The following CECR2 variants were observed in gnomAD, a reference collection of about 807,000 sequenced individuals.
The protein encoded by CECR2 is chromatin remodeling regulator CECR2.
CECR2 carries 30 observed loss-of-function variants against 154.5 expected under a neutral mutation model. That is an observed-to-expected ratio of 0.19 (90% CI 0.15 to 0.26). CECR2 has a LOEUF of 0.26. CECR2 is among the 10% of genes least tolerant of loss of function. The pLI, the probability that CECR2 is intolerant of heterozygous loss-of-function variation, is 1.00. For missense variants in CECR2, 1,743 were observed against 1,829.3 expected (o/e 0.95, Z 0.86); for synonymous variants, 725 against 683.7 (o/e 1.06, Z -0.94).
chr22:17,401,828 A>ACCCCCC (rs34211703), intron 1 of CECR2, among the ~76,000 whole-genome samples: 1 of 114,146 alleles, frequency 8.8e-6, no homozygotes, highest in Non-Finnish European at 1.8e-5. Flanking sequence ...AATATTTAAC[A>ACCCCCC]CCCCCCCCCG....
rs112338023 is a variant in CECR2 at position 17,487,870 on chromosome 22, G to GTATT, written c.222-9507_222-9504dup. 9.3e-3 allele frequency among the ~76,000 whole-genome samples: 1,396 copies of GTATT among 150,782 alleles called. 7 individuals are homozygous for GTATT. The highest frequency in any genetic ancestry group is 0.041 in the Middle Eastern group (12 of 292). Reference sequence around the variant, plus strand: ...CAACATTGTATATTCAATTTTTCATGTATTTATTTATTTATTTATTTATTT... The same window carrying GTATT: ...CAACATTGTATATTCAATTTTTCATGTATTTATTTATTTATTTATTTATTTATTT... On this transcript the variant is annotated intron_variant, in intron 2 of 18. Transcript: ENST00000262608.
chr22:17,558,032 T>C lies in CECR2; in HGVS notation c.*5192T>C, dbSNP rs2056793963. On this transcript the variant is annotated 3_prime_UTR_variant, in exon 19 of 19. Transcript: ENST00000262608. ...ACTTACCTCAATAGTTAGTTCAATA[T>C]TGTGTGTTGGATAATTTTTTAAAAG... 6.6e-6 allele frequency: 1 copy of C among 152,236 alleles called. No homozygotes were observed. The highest frequency in any genetic ancestry group is 2.1e-4 in the South Asian group (1 of 4,832). 9.4% of individuals were successfully genotyped at this position (152,236 alleles called of 1,614,324 possible).
At chr22:17,471,986 A>G (rs569337007) in intron 1 of CECR2, among the ~76,000 whole-genome samples, 18 of 152,164 alleles carry the variant, frequency 1.2e-4, no homozygotes, top group Non-Finnish European at 1.9e-4. Flanking sequence ...CAGTTAACCT[A>G]ATATTTAGAG....
At chr22:17,487,942 G>T (rs1407206993) in intron 2 of CECR2, among the ~76,000 whole-genome samples, 1 of 151,994 alleles carries the variant, frequency 6.6e-6, no homozygotes, top group Non-Finnish European at 1.5e-5. Context: ...GAGTGCAATG[G>T]CCTGATCTCG....
At chr22:17,536,694 G>T (rs1173550599) in intron 9 of CECR2, among the ~76,000 whole-genome samples, 4 of 152,216 alleles carry the variant, frequency 2.6e-5, no homozygotes, top group Non-Finnish European at 5.9e-5. Flanking sequence ...AAAAGGATTT[G>T]CGGATGTTGC....
intron 1 of CECR2, among the ~76,000 whole-genome samples, chr22:17,449,543 G>T (rs890681011): frequency 4.5e-5 from 6 of 133,780 alleles, no homozygotes; most frequent in Non-Finnish European, 7.7e-5. Context: ...AGGCTGGAGT[G>T]CAGTGGCATG....
In CECR2 at chr22:17,504,424, AT is replaced by A. The variant is rs200337384; in HGVS notation, c.701-415del. 4.3e-3 allele frequency among the ~76,000 whole-genome samples: 641 copies of A among 148,698 alleles called. 6 individuals carry two copies. The highest frequency in any genetic ancestry group is 0.015 in the African/African-American group (611 of 41,052). On this transcript the variant is annotated intron_variant, in intron 6 of 18. Coordinates refer to ENST00000262608, the MANE Select transcript of CECR2 (RefSeq NM_001290047.2). ...GTCTCTTTTTTGAGTTCCTTATTTTATTTTTTTTATTTTTATTTATTTATTT... is the reference window on the plus strand; with the variant it reads ...GTCTCTTTTTTGAGTTCCTTATTTTATTTTTTTATTTTTATTTATTTATTT...
At chr22:17,403,812 C>A (rs1197238883) in intron 1 of CECR2, among the ~76,000 whole-genome samples, 2 of 145,542 alleles carry the variant, frequency 1.4e-5, no homozygotes, top group Admixed American at 7.1e-5. Context: ...TTGTTTCTTA[C>A]ATTTTCTTCT....
In CECR2 at chr22:17,532,204, A is replaced by AT. The variant is rs1023186355; in HGVS notation, c.1109-4892dup. 5.3e-5 allele frequency among the ~76,000 whole-genome samples: 8 copies of AT among 152,080 alleles called. 1 individual carries two copies. The highest frequency in any genetic ancestry group is 1.2e-4 in the Non-Finnish European group (8 of 68,018). ...GGGTGGGTAGTGGGTTGCATTTTGA[A>AT]TTTTTTTATTAGTTCCTTAGGGCTA... On this transcript the variant is annotated intron_variant, in intron 9 of 18. Coordinates refer to ENST00000262608, the MANE Select transcript of CECR2 (RefSeq NM_001290047.2).
At chr22:17,458,248 C>G (rs141993496) in intron 1 of CECR2, among the ~76,000 whole-genome samples, 9,539 of 152,124 alleles carry the variant, frequency 0.063, 419 homozygotes, top group Middle Eastern at 0.12. Flanking sequence ...AACCCCATCT[C>G]TACTAAAAAT....
intron 1 of CECR2, among the ~76,000 whole-genome samples, chr22:17,421,521 A>G (rs2054248820): frequency 6.8e-6 from 1 of 146,118 alleles, no homozygotes; most frequent in Non-Finnish European, 1.5e-5. Flanking sequence ...AGGCTGAGGC[A>G]GGAGAATGGC....
At chr22:17,459,135 C>T (rs1467469699) in intron 1 of CECR2, among the ~76,000 whole-genome samples, 1 of 152,110 alleles carries the variant, frequency 6.6e-6, no homozygotes, top group Non-Finnish European at 1.5e-5. Flanking sequence ...GCCTAGATTC[C>T]AAAGGATTGA....
At chr22:17,398,262 G>T (rs559977201) in intron 1 of CECR2, among the ~76,000 whole-genome samples, 27 of 152,128 alleles carry the variant, frequency 1.8e-4, no homozygotes, top group African/African-American at 6.5e-4. Context: ...TTGGGCCCAA[G>T]AAAGCTGGAC....
intron 2 of CECR2, among the ~76,000 whole-genome samples, chr22:17,484,061 T>C (rs1238883442): frequency 6.6e-6 from 1 of 152,228 alleles, no homozygotes; most frequent in East Asian, 1.9e-4. Context: ...GGCTATGCCA[T>C]ATAGTCTAGG....
At position 17,524,115 on chromosome 22, in the gene CECR2, C is replaced by T. The variant is rs750440974; in HGVS notation, c.955-3C>T. 2 of 1,580,444 alleles carry T rather than the reference C, an allele frequency of 1.3e-6. No individual in the cohort carries two copies. The highest frequency in any genetic ancestry group is 2.7e-5 in the African/African-American group (2 of 74,148). ...ACCGGATGTGCTCATTGGCTCCTCACAGGAGACTCCTGTGCTGACCAGAAT... is the reference window on the plus strand; with the variant it reads ...ACCGGATGTGCTCATTGGCTCCTCATAGGAGACTCCTGTGCTGACCAGAAT... On this transcript the variant is annotated splice_polypyrimidine_tract_variant and splice_region_variant and intron_variant, in intron 8 of 18. Coordinates refer to ENST00000262608, the MANE Select transcript of CECR2 (RefSeq NM_001290047.2).
At position 17,421,614 on chromosome 22, in the gene CECR2, C is replaced by CAAAAAAAAAAAA. The variant is rs34156323; in HGVS notation, c.126+51723_126+51734dup. Among the ~76,000 whole-genome samples the CAAAAAAAAAAAA allele has an allele frequency of 5.6e-4, 13 of 23,376 alleles. 1 individual carries two copies. Among genetic ancestry groups the CAAAAAAAAAAAA allele is most frequent in the East Asian group, 1.9e-3 (1 of 534 alleles). The allele number at this position is 23,376 out of a possible 152,430, so 15.3% of individuals were successfully genotyped here. ...TGGGCGACAGAGCGAGACTCCGTCT[C>CAAAAAAAAAAAA]AAAAAAAAAAAAAAAAAAAAAAAAA... On this transcript the variant is annotated intron_variant, in intron 1 of 18. Transcript: ENST00000262608.
At chr22:17,529,641 A>G (rs1408592628) in intron 9 of CECR2, among the ~76,000 whole-genome samples, 1 of 151,598 alleles carries the variant, frequency 6.6e-6, no homozygotes, top group East Asian at 1.9e-4. Flanking sequence ...CGGAGCTTCC[A>G]GTGAGCCGAG....
At chr22:17,377,608 A>G (rs1055495782) in intron 1 of CECR2, among the ~76,000 whole-genome samples, 3 of 152,166 alleles carry the variant, frequency 2.0e-5, no homozygotes, top group African/African-American at 7.2e-5. Flanking sequence ...ATCAATAGCT[A>G]GAACTCTGAA....
chr22:17,521,569 CT>C (rs2056158917), intron 8 of CECR2, among the ~76,000 whole-genome samples: 2 of 150,408 alleles, frequency 1.3e-5, no homozygotes, highest in Non-Finnish European at 2.9e-5. Flanking sequence ...TGTTCATATC[CT>C]TTGCCCACTT....
Sources: allele counts gnomAD v4.1 joint callset (sites outside exome capture counted in the v4.1 genomes callset), GRCh38; gene constraint gnomAD v4.1.1; transcripts MANE v1.5; gene names NCBI Gene and HGNC (gene_info 2026-07-23, HGNC 2026-07-21).